The following PRELID2 variants were observed in gnomAD, a reference collection of about 807,000 sequenced individuals.
The protein encoded by PRELID2 is PRELI domain containing 2.
Under a neutral mutation model 28.4 loss-of-function variants are expected in PRELID2, and 25 were observed. The ratio of observed to expected loss-of-function variants is 0.88; its 90% CI spans 0.64 to 1.23. The LOEUF is 1.23. Among genes scored for constraint, PRELID2 ranks in the 50% most tolerant of loss-of-function variants. The pLI is 0.00. For synonymous variants in PRELID2, 76 were observed against 71.6 expected (o/e 1.06, Z -0.31); for missense variants, 201 against 214.4 (o/e 0.94, Z 0.39).
intron 1 of PRELID2, among the ~76,000 whole-genome samples, chr5:145,606,198 T>A (rs1461709634): frequency 6.6e-6 from 1 of 152,138 alleles, no homozygotes; most frequent in Non-Finnish European, 1.5e-5. Context: ...AGGTATAGAA[T>A]CACATCATCT....
chr5:145,292,830 T>C, the PRELID2 span, among the ~76,000 whole-genome samples: 1 of 146,908 alleles, frequency 6.8e-6, no homozygotes, highest in Admixed American at 6.6e-5. Context: ...ACCTCAGCCT[T>C]CCAGGTAGCT....
At chr5:145,455,387 A>C in the PRELID2 span, among the ~76,000 whole-genome samples, 1 of 152,016 alleles carries the variant, frequency 6.6e-6, no homozygotes, top group African/African-American at 2.4e-5. Context: ...TGATGTCTCC[A>C]GCTTTGTTCT....
chr5:145,536,276 C>T (rs552217829), intron 1 of PRELID2, among the ~76,000 whole-genome samples: 14 of 151,992 alleles, frequency 9.2e-5, no homozygotes, highest in African/African-American at 3.1e-4. Context: ...CTTGAAAGTG[C>T]CAAAGCAATG....
chr5:145,569,487 C>T (rs73309629), intron 1 of PRELID2, among the ~76,000 whole-genome samples: 5,889 of 152,130 alleles, frequency 0.039, 352 homozygotes, highest in African/African-American at 0.13. Flanking sequence ...TGGCTTTTGA[C>T]TTCCTAAAAG....
chr5:145,279,820 T>C, the PRELID2 span, among the ~76,000 whole-genome samples: 1 of 149,792 alleles, frequency 6.7e-6, no homozygotes, highest in East Asian at 1.9e-4. Flanking sequence ...GGAACAAATT[T>C]AGTTTTTGAG....
At chr5:145,735,114 G>A (rs984231257) in intron 1 of PRELID2, among the ~76,000 whole-genome samples, 6 of 151,772 alleles carry the variant, frequency 4.0e-5, no homozygotes, top group Non-Finnish European at 7.4e-5. Context: ...GCATGGTGGC[G>A]GGCACCTGTA....
At chr5:145,229,200 C>T in the PRELID2 span, 3 of 838,980 alleles carry the variant, frequency 3.6e-6, no homozygotes, top group Admixed American at 3.5e-5. Context: ...CCAGTTTGAG[C>T]TCATCTGCTA....
chr5:145,652,637 A>T (rs180822953), intron 1 of PRELID2, among the ~76,000 whole-genome samples: 1 of 152,238 alleles, frequency 6.6e-6, no homozygotes, highest in Admixed American at 6.5e-5. Flanking sequence ...AGAATTTCAT[A>T]TCCAGCCAAA....
intron 5 of PRELID2, among the ~76,000 whole-genome samples, chr5:145,772,628 A>T (rs1462519739): frequency 1.3e-5 from 2 of 152,192 alleles, no homozygotes; most frequent in African/African-American, 2.4e-5. Context: ...GCATGAATCC[A>T]TTCAAAGGGG....
chr5:145,692,593 C>T (rs1293923434), intron 1 of PRELID2, among the ~76,000 whole-genome samples: 1 of 152,146 alleles, frequency 6.6e-6, no homozygotes, highest in Admixed American at 6.5e-5. Flanking sequence ...ACCATAAACA[C>T]TTTTTATACT....
At position 145,677,721 on chromosome 5, in the gene PRELID2, G is replaced by A. The variant is rs185170517; in HGVS notation, n.70+87210C>T. 3.3e-3 allele frequency among the ~76,000 whole-genome samples: 506 copies of A among 152,146 alleles called. 1 individual carries two copies. The highest frequency in any genetic ancestry group is 5.4e-3 in the Admixed American group (83 of 15,270). ...TGTTTAAATAAAACCAGAGAAAAAG[G>A]AAATAAAAAACTGAAGCACCACCAT... On this transcript the variant is annotated intron_variant and non_coding_transcript_variant, in intron 1 of 2. Transcript: ENST00000510259.
the PRELID2 span, among the ~76,000 whole-genome samples, chr5:145,412,367 C>T: frequency 9.2e-5 from 14 of 152,192 alleles, no homozygotes; most frequent in East Asian, 1.9e-4. Flanking sequence ...CAGATCTCTA[C>T]GGCAGGGGCA....
At chr5:145,735,123 T>A (rs1756459042) in intron 1 of PRELID2, among the ~76,000 whole-genome samples, 1 of 151,588 alleles carries the variant, frequency 6.6e-6, no homozygotes, top group Admixed American at 6.6e-5. Flanking sequence ...CGGGCACCTG[T>A]AATCCCACCT....
At chr5:145,373,671 C>T in the PRELID2 span, among the ~76,000 whole-genome samples, 194 of 29,892 alleles carry the variant, frequency 6.5e-3, no homozygotes, top group Middle Eastern at 0.05. Flanking sequence ...TTATATATTA[C>T]AACATATATT....
intron 1 of PRELID2, among the ~76,000 whole-genome samples, chr5:145,718,005 C>T (rs887144204): frequency 6.6e-6 from 1 of 151,804 alleles, no homozygotes; most frequent in African/African-American, 2.4e-5. Context: ...AATAGTCACC[C>T]TGGAGAGTGA....
intron 1 of PRELID2, among the ~76,000 whole-genome samples, chr5:145,582,339 C>T (rs1335184214): frequency 6.6e-6 from 1 of 152,016 alleles, no homozygotes; most frequent in East Asian, 1.9e-4. Context: ...CAAGGCACAT[C>T]TTACACAGCG....
At chr5:145,805,389 C>T (rs890527888) in intron 4 of PRELID2, among the ~76,000 whole-genome samples, 4 of 152,136 alleles carry the variant, frequency 2.6e-5, no homozygotes, top group African/African-American at 4.8e-5. Flanking sequence ...AAAAGGGCTG[C>T]CAGCTGTATG....
chr5:145,308,468 C>A, the PRELID2 span, among the ~76,000 whole-genome samples: 2 of 152,172 alleles, frequency 1.3e-5, no homozygotes, highest in African/African-American at 2.4e-5. Flanking sequence ...AGTCGAATTT[C>A]TTCTGACTAT....
intron 5 of PRELID2, among the ~76,000 whole-genome samples, chr5:145,787,161 C>CA (rs1254274128): frequency 3.9e-5 from 6 of 152,166 alleles, no homozygotes; most frequent in African/African-American, 1.2e-4. Flanking sequence ...CAAAACAAAA[C>CA]AAAAAACACG....
Sources: allele counts gnomAD v4.1 joint callset (sites outside exome capture counted in the v4.1 genomes callset), GRCh38; gene constraint gnomAD v4.1.1; transcripts MANE v1.5; gene names NCBI Gene and HGNC (gene_info 2026-07-23, HGNC 2026-07-21).